Variants in GALNTL5 observed in about 807,000 individuals in gnomAD.
GALNTL5 encodes polypeptide N-acetylgalactosaminyltransferase like 5, also known as inactive polypeptide N-acetylgalactosaminyltransferase-like protein 5.
In GALNTL5, 44 loss-of-function variants were observed where a neutral mutation model predicts 51.0. The observed-to-expected ratio is 0.86, with a 90% confidence interval of 0.68 to 1.11. GALNTL5 has a LOEUF of 1.11. Among genes scored for constraint, GALNTL5 ranks in the 50% least tolerant of loss-of-function variants. The pLI is 0.00. For missense variants in GALNTL5, 528 were observed against 531.8 expected (o/e 0.99, Z 0.07); for synonymous variants, 192 against 182.8 (o/e 1.05, Z -0.41).
chr7:151,964,557 C>T lies in GALNTL5; in HGVS notation c.-39-2651C>T, dbSNP rs150436637. Among the ~76,000 whole-genome samples, 1,452 of 152,256 alleles carry T rather than the reference C, an allele frequency of 9.5e-3. 19 individuals carry two copies. The highest frequency in any genetic ancestry group is 0.014 in the Non-Finnish European group (947 of 68,020). ...GCTGCCATCCATGGTGTGGCTTGCT[C>T]CTCCTTGCCTTCCAGCCTGATTGTG... On this transcript the variant is annotated intron_variant, in intron 1 of 8. Transcript: ENST00000392800.
chr7:151,962,436 C>CTTTTTTTTTTTTTTTTTT (rs61210832), intron 1 of GALNTL5, among the ~76,000 whole-genome samples: 2 of 116,248 alleles, frequency 1.7e-5, no homozygotes, highest in Non-Finnish European at 1.7e-5. Flanking sequence ...ATTTTTTTTT[C>CTTTTTTTTTTTTTTTTTT]TTTTTTTTTT....
At chr7:151,990,589 A>AAAAAAAAAAAAAAAAAAAC (rs2081416290) in intron 5 of GALNTL5, among the ~76,000 whole-genome samples, 1 of 146,518 alleles carries the variant, frequency 6.8e-6, no homozygotes. Flanking sequence ...TCAAAAAAAA[A>AAAAAAAAAAAAAAAAAAAC]AAAGCCCACT....
rs775046727 is a variant in GALNTL5 at position 152,002,727 on chromosome 7, G to A, written c.672G>A (p.Val224=). The change falls in exon 6 of 9, where the codon GTG becomes GTA. Residue 224 remains valine, a synonymous_variant. Transcript: ENST00000392800. ...GASHASGDVL[V]FLDSHCEVNR... ...TTGCCTCCCCAGGGGATGTTCTGGT[G>A]TTCCTGGACAGCCACTGTGAGGTGA... 25 of 1,614,036 alleles carry A rather than the reference G, an allele frequency of 1.5e-5. No individual in the cohort carries two copies. The highest frequency in any genetic ancestry group is 2.1e-5 in the Non-Finnish European group (25 of 1,180,020).
intron 6 of GALNTL5, among the ~76,000 whole-genome samples, chr7:152,006,682 G>T (rs1480778296): frequency 6.6e-6 from 1 of 152,168 alleles, no homozygotes; most frequent in Non-Finnish European, 1.5e-5. Flanking sequence ...GTCTTGGTTT[G>T]TGTGTTGAGT....
intron 1 of GALNTL5, among the ~76,000 whole-genome samples, chr7:151,962,822 T>C (rs189924130): frequency 1.2e-3 from 183 of 152,238 alleles, no homozygotes; most frequent in African/African-American, 4.2e-3. Context: ...TTGGCCAGTC[T>C]GGTCTCGAAC....
chr7:151,976,558 TG>T (rs1437556942), intron 3 of GALNTL5, among the ~76,000 whole-genome samples: 2 of 152,222 alleles, frequency 1.3e-5, no homozygotes, highest in Non-Finnish European at 2.9e-5. Flanking sequence ...AGTTAGGTCT[TG>T]TTTTTTTAAT....
chr7:151,987,351 T>A (rs2081371342), intron 5 of GALNTL5, 70 bp downstream of exon 5: 1 of 1,365,470 alleles, frequency 7.3e-7, no homozygotes, highest in Non-Finnish European at 9.8e-7. Context: ...GCGGGACTCC[T>A]CTGCAGGGAG....
chr7:152,018,057 G>T (rs1173195567), intron 8 of GALNTL5, among the ~76,000 whole-genome samples: 2 of 152,180 alleles, frequency 1.3e-5, no homozygotes, highest in Non-Finnish European at 2.9e-5. Flanking sequence ...TATTGGCCAG[G>T]CTGGTCTTGA....
At chr7:152,004,308 A>G (rs907492358) in intron 6 of GALNTL5, among the ~76,000 whole-genome samples, 13 of 150,642 alleles carry the variant, frequency 8.6e-5, no homozygotes, top group African/African-American at 3.2e-4. Context: ...GTGATTAAAT[A>G]TGTACCTATT....
At chr7:151,973,547 A>G (rs1304550362) in intron 3 of GALNTL5, among the ~76,000 whole-genome samples, 4 of 152,070 alleles carry the variant, frequency 2.6e-5, no homozygotes, top group Non-Finnish European at 5.9e-5. Context: ...GTTTTGGCCA[A>G]TTGGCCAATT....
intron 5 of GALNTL5, among the ~76,000 whole-genome samples, chr7:152,000,884 T>C (rs1163765220): frequency 6.6e-6 from 1 of 151,296 alleles, no homozygotes; most frequent in Non-Finnish European, 1.5e-5. Flanking sequence ...CTTTGTTTCT[T>C]TTTCTTTTCT....
intron 8 of GALNTL5, among the ~76,000 whole-genome samples, chr7:152,015,148 C>G (rs1484589719): frequency 6.6e-6 from 1 of 152,094 alleles, no homozygotes; most frequent in East Asian, 1.9e-4. Flanking sequence ...CATCCCCAAC[C>G]CTATTCTCAG....
In GALNTL5 at chr7:151,971,048, A is replaced by C; in HGVS notation, c.351A>C (p.Pro117=). The C allele has an allele frequency of 6.2e-7, 1 of 1,610,310 alleles. No individual in the cohort carries two copies. Among genetic ancestry groups the C allele is most frequent in the Non-Finnish European group, 8.5e-7 (1 of 1,177,064 alleles). ...SRSLGIEREV[P]DTRSKMCLQK... ...GCTTGGGCATCGAAAGAGAAGTGCC[A>C]GATACCAGGAGTAAAATGTATGTTG... Residue 117 remains proline (P), a synonymous_variant, in exon 3 of 9, where the codon CCA becomes CCC. Transcript: ENST00000392800.
chr7:152,015,185 C>G (rs1419191897), intron 8 of GALNTL5, among the ~76,000 whole-genome samples: 1 of 152,090 alleles, frequency 6.6e-6, no homozygotes, highest in Non-Finnish European at 1.5e-5. Context: ...ACTCTTACAT[C>G]TCATTATTTT....
chr7:152,013,987 T>G (rs73730334), intron 7 of GALNTL5, among the ~76,000 whole-genome samples: 1 of 152,264 alleles, frequency 6.6e-6, no homozygotes, highest in Non-Finnish European at 1.5e-5. Flanking sequence ...AATTCAGTCA[T>G]GATCAGCATT....
intron 4 of GALNTL5, among the ~76,000 whole-genome samples, chr7:151,984,960 A>G (rs1488892111): frequency 2.0e-5 from 3 of 152,208 alleles, no homozygotes; most frequent in African/African-American, 7.2e-5. Context: ...CTGCTGTAAC[A>G]AAATGCCACA....
chr7:152,006,404 G>A (rs1198614004), intron 6 of GALNTL5, among the ~76,000 whole-genome samples: 1 of 152,172 alleles, frequency 6.6e-6, no homozygotes, highest in Non-Finnish European at 1.5e-5. Flanking sequence ...AAATAAGGCG[G>A]TTTTAATTTT....
chr7:151,964,362 C>T (rs2081030739), intron 1 of GALNTL5, among the ~76,000 whole-genome samples: 2 of 152,156 alleles, frequency 1.3e-5, no homozygotes, highest in African/African-American at 4.8e-5. Context: ...GTTGTGTCCC[C>T]ACCCAAATCT....
At chr7:151,976,005 G>T (rs73473898) in intron 3 of GALNTL5, among the ~76,000 whole-genome samples, 109 of 152,200 alleles carry the variant, frequency 7.2e-4, no homozygotes, top group African/African-American at 2.5e-3. Flanking sequence ...AATCCTGGAG[G>T]ATATTCCATG....
Sources: allele counts gnomAD v4.1 joint callset (sites outside exome capture counted in the v4.1 genomes callset), GRCh38; gene constraint gnomAD v4.1.1; transcripts MANE v1.5; gene names NCBI Gene and HGNC (gene_info 2026-07-23, HGNC 2026-07-21).